The following FEZ2 variants were observed in gnomAD, a reference collection of about 807,000 sequenced individuals.
The protein encoded by FEZ2 is fasciculation and elongation protein zeta-2.
A neutral mutation model predicts 40.4 loss-of-function variants in FEZ2; 51 were observed. The ratio of observed to expected loss-of-function variants is 1.26; its 90% CI spans 1.01 to 1.59. FEZ2 has a LOEUF of 1.59. FEZ2 is among the 40% of genes most tolerant of loss of function. The pLI, the probability that FEZ2 is intolerant of heterozygous loss-of-function variation, is 0.00. For missense variants in FEZ2, 640 were observed against 438.3 expected (o/e 1.46, Z -4.11); for synonymous variants, 242 against 172.0 (o/e 1.41, Z -3.18).
chr2:36,566,047 G>A (rs1031135249), intron 5 of FEZ2, among the ~76,000 whole-genome samples: 1 of 152,118 alleles, frequency 6.6e-6, no homozygotes, highest in Non-Finnish European at 1.5e-5. Flanking sequence ...AACTGAAATT[G>A]GTTCTACATC....
chr2:36,563,109 T>C (rs1668135285), intron 5 of FEZ2, among the ~76,000 whole-genome samples: 2 of 152,246 alleles, frequency 1.3e-5, no homozygotes, highest in Admixed American at 6.5e-5. Flanking sequence ...TTTCGTAACA[T>C]GCAGATGTAA....
At chr2:36,560,824 G>A in intron 5 of FEZ2, 2 of 1,611,498 alleles carry the variant, frequency 1.2e-6, no homozygotes, top group South Asian at 1.1e-5. Context: ...TGTGGCGGAG[G>A]CCATTCTGAA....
At chr2:36,560,699 A>C in intron 5 of FEZ2, 1 of 777,288 alleles carries the variant, frequency 1.3e-6, no homozygotes, top group Non-Finnish European at 2.2e-6. Context: ...GGTCTTAGTA[A>C]ATTAGTAAAC....
At chr2:36,570,850 C>T (rs888111312) in intron 5 of FEZ2, among the ~76,000 whole-genome samples, 1 of 152,220 alleles carries the variant, frequency 6.6e-6, no homozygotes, top group Non-Finnish European at 1.5e-5. Context: ...TATCTATACG[C>T]AGTCCATGAC....
At chr2:36,566,208 C>T (rs778251693) in intron 5 of FEZ2, among the ~76,000 whole-genome samples, 4 of 152,042 alleles carry the variant, frequency 2.6e-5, no homozygotes, top group Non-Finnish European at 4.4e-5. Flanking sequence ...GGCACGGTGG[C>T]GGGCACCTGT....
At chr2:36,560,746 A>G (rs1668071489) in intron 5 of FEZ2, 1 of 1,313,678 alleles carries the variant, frequency 7.6e-7, no homozygotes, top group Non-Finnish European at 1.1e-6. Context: ...ACAGAAAATG[A>G]AAAAGCAGAG....
Position 36,590,685 on chromosome 2 carries a change from C to G in FEZ2, c.375+218G>C, listed in dbSNP as rs748766629. ...AAAAAAAATTGTGATGGAAATTTAG[C>G]TACACATAAAAAATGAGTGTGCTGG... On this transcript the variant is annotated intron_variant, in intron 2 of 7. Transcript: ENST00000405912. 159 of 464,204 alleles carry G rather than the reference C, an allele frequency of 3.4e-4. 1 individual carries two copies. The highest frequency in any genetic ancestry group is 4.9e-4 in the Non-Finnish European group (129 of 264,130). The allele number at this position is 464,204 out of a possible 1,614,324, so 28.8% of individuals were successfully genotyped here.
chr2:36,573,956 A>G (rs1382008212), intron 5 of FEZ2, among the ~76,000 whole-genome samples: 1 of 152,202 alleles, frequency 6.6e-6, no homozygotes, highest in African/African-American at 2.4e-5. Flanking sequence ...TTAAAACTCT[A>G]TATTCTTTGA....
In FEZ2 at chr2:36,582,349, G is replaced by A. The variant is rs575697743; in HGVS notation, c.493-918C>T. ...ACCAAGGAAAAACAAAGGCAAATCT[G>A]AAGGAGATGGGATTATGTTAATTAT... On this transcript the variant is annotated intron_variant, in intron 3 of 7. Transcript: ENST00000405912. 3.3e-5 allele frequency among the ~76,000 whole-genome samples: 5 copies of A among 152,220 alleles called. No individual in the cohort carries two copies. The South Asian group carries it at 1.0e-3, about 32-fold the overall frequency.
chr2:36,568,349 A>G (rs1668307041), intron 5 of FEZ2, among the ~76,000 whole-genome samples: 1 of 152,238 alleles, frequency 6.6e-6, no homozygotes, highest in African/African-American at 2.4e-5. Flanking sequence ...TACTAAATAA[A>G]TAAGTAAATA....
intron 5 of FEZ2, 123 bp downstream of exon 5, chr2:36,578,474 T>C: frequency 9.9e-7 from 1 of 1,013,856 alleles, no homozygotes. Context: ...CACTGGGCTC[T>C]GATTAGAAGT....
At chr2:36,565,441 C>A (rs1334059785) in intron 5 of FEZ2, among the ~76,000 whole-genome samples, 1 of 152,178 alleles carries the variant, frequency 6.6e-6, no homozygotes, top group Non-Finnish European at 1.5e-5. Flanking sequence ...ATTTCCATAG[C>A]CTCTTCTTGA....
At chr2:36,553,228 T>C in intron 7 of FEZ2, 49 bp from the exon 8 acceptor site, 2 of 1,320,036 alleles carry the variant, frequency 1.5e-6, no homozygotes, top group Non-Finnish European at 2.1e-6. Flanking sequence ...TTTGTATACA[T>C]TTACACAAAA....
chr2:36,581,500 C>T, intron 3 of FEZ2, 69 bp from the exon 4 acceptor site: 1 of 1,419,654 alleles, frequency 7.0e-7, no homozygotes, highest in South Asian at 1.2e-5. Context: ...GAACACAGTG[C>T]TCACCTAAGG....
chr2:36,562,700 A>C (rs1440857051), intron 5 of FEZ2, among the ~76,000 whole-genome samples: 2 of 152,212 alleles, frequency 1.3e-5, no homozygotes, highest in Non-Finnish European at 2.9e-5. Context: ...ATGCTATCAT[A>C]ATTCATTCAT....
intron 4 of FEZ2, among the ~76,000 whole-genome samples, chr2:36,580,332 C>T (rs965897367): frequency 1.3e-5 from 2 of 152,130 alleles, no homozygotes; most frequent in African/African-American, 2.4e-5. Context: ...GCCATACAAC[C>T]CAAAGGTCTT....
chr2:36,591,835 C>T (rs1246118599), intron 1 of FEZ2, among the ~76,000 whole-genome samples: 1 of 152,132 alleles, frequency 6.6e-6, no homozygotes, highest in African/African-American at 2.4e-5. Context: ...CCTAGGTATC[C>T]TCTGCCCTTC....
intron 5 of FEZ2, chr2:36,559,078 ATTATT>A (rs1391710715): frequency 1.3e-5 from 2 of 152,206 alleles, no homozygotes; most frequent in East Asian, 1.9e-4. Context: ...ATGCGTTACT[ATTATT>A]TTAAATTATT....
intron 4 of FEZ2, among the ~76,000 whole-genome samples, chr2:36,579,637 C>T (rs1668675961): frequency 3.3e-5 from 5 of 152,114 alleles, no homozygotes; most frequent in Admixed American, 3.3e-4. Context: ...CCCTGAGGCC[C>T]CCCCAGAAGC....
Sources: gnomAD v4.1 joint callset for allele counts (sites outside exome capture counted in the v4.1 genomes callset) on GRCh38, gnomAD v4.1.1 for gene constraint, MANE v1.5 for transcripts, NCBI Gene and HGNC (gene_info 2026-07-23, HGNC 2026-07-21) for gene names.